RANBP2: variants seen among roughly 807,000 people sequenced by gnomAD.
RANBP2 encodes RAN binding protein 2.
RANBP2 carries 57 observed loss-of-function variants against 303.6 expected under a neutral mutation model. That is an observed-to-expected ratio of 0.19 (90% CI 0.15 to 0.23). The LOEUF is 0.23. Among genes scored for constraint, RANBP2 ranks in the 10% least tolerant of loss-of-function variants. The pLI, the probability that RANBP2 is intolerant of heterozygous loss-of-function variation, is 1.00. For synonymous variants in RANBP2, 1,167 were observed against 1,301.5 expected (o/e 0.90, Z 2.23); for missense variants, 3,138 against 3,780.8 (o/e 0.83, Z 4.46).
the RANBP2 span, among the ~76,000 whole-genome samples, chr2:109,566,514 A>G: frequency 9.2e-5 from 14 of 152,258 alleles, no homozygotes; most frequent in Middle Eastern, 3.4e-3. Context: ...ACAGTATACA[A>G]AATGTATATG....
At chr2:109,171,913 C>T in the RANBP2 span, among the ~76,000 whole-genome samples, 2 of 152,394 alleles carry the variant, frequency 1.3e-5, no homozygotes, top group East Asian at 1.9e-4. Context: ...AAAGGGCATG[C>T]ATGTGCCGAG....
intron 25 of RANBP2, among the ~76,000 whole-genome samples, chr2:108,780,805 G>C (rs1445468077): frequency 2.0e-5 from 3 of 151,884 alleles, no homozygotes; most frequent in Non-Finnish European, 4.4e-5. Context: ...CGCCTCCTGG[G>C]TTCAAGCGAT....
chr2:109,628,660 C>T, the RANBP2 span, among the ~76,000 whole-genome samples: 59,598 of 151,950 alleles, frequency 0.39, 12,832 homozygotes, highest in Middle Eastern at 0.57. Context: ...CTGCTAACCT[C>T]GTCCTCTTTT....
chr2:108,782,323 G>A lies in RANBP2; in HGVS notation c.8956G>A (p.Val2986Ile), dbSNP rs753199133. ...DQVFKVCANH[V>I]ITKTMELKPL... ...GGTTTTTAAAGTGTGTGCAAACCAC[G>A]TTATTACTAAAACAATGGAATTAAA... Residue 2986 changes from valine to isoleucine, a missense_variant, in exon 27 of 29, where the codon GTT becomes ATT. Coordinates refer to ENST00000283195, the MANE Select transcript of RANBP2 (RefSeq NM_006267.5). 16 of 1,614,024 alleles carry A rather than the reference G, an allele frequency of 9.9e-6. No individual in the cohort carries two copies. Among genetic ancestry groups the A allele is most frequent in the Admixed American group, 5.0e-5 (3 of 60,000 alleles).
chr2:109,166,344 G>A, the RANBP2 span, among the ~76,000 whole-genome samples: 2 of 151,972 alleles, frequency 1.3e-5, no homozygotes, highest in African/African-American at 4.8e-5. Context: ...GAGTGTGGTG[G>A]TGTGTGCCTG....
At chr2:109,143,846 A>G in the RANBP2 span, among the ~76,000 whole-genome samples, 29 of 152,134 alleles carry the variant, frequency 1.9e-4, no homozygotes, top group Admixed American at 2.6e-4. Context: ...ATATACACAA[A>G]CAATGGAATA....
chr2:109,330,296 C>G, the RANBP2 span, among the ~76,000 whole-genome samples: 1 of 152,056 alleles, frequency 6.6e-6, no homozygotes, highest in African/African-American at 2.4e-5. Flanking sequence ...GATGTTATTG[C>G]GAAACTAAAG....
the RANBP2 span, among the ~76,000 whole-genome samples, chr2:108,969,358 T>C: frequency 3.3e-5 from 5 of 152,204 alleles, no homozygotes; most frequent in African/African-American, 1.2e-4. Flanking sequence ...TATTGATCTG[T>C]ATGTGCTGGC....
At chr2:109,114,916 G>C in the RANBP2 span, among the ~76,000 whole-genome samples, 1 of 152,184 alleles carries the variant, frequency 6.6e-6, no homozygotes, top group African/African-American at 2.4e-5. Context: ...GGAGCAAGTT[G>C]TTCAGTTTCC....
At chr2:109,062,129 G>A in the RANBP2 span, among the ~76,000 whole-genome samples, 1 of 151,950 alleles carries the variant, frequency 6.6e-6, no homozygotes, top group Admixed American at 6.6e-5. Flanking sequence ...CTCTCCCAGA[G>A]GGACAAGCAA....
the RANBP2 span, among the ~76,000 whole-genome samples, chr2:108,824,543 C>T: frequency 6.6e-6 from 1 of 152,036 alleles, no homozygotes. Flanking sequence ...GATAACAATG[C>T]CTTTTCCTGG....
At chr2:109,510,401 C>T in the RANBP2 span, among the ~76,000 whole-genome samples, 1 of 151,970 alleles carries the variant, frequency 6.6e-6, no homozygotes, top group Admixed American at 6.5e-5. Context: ...GCCAAGGGGG[C>T]GGTGAGGGCA....
the RANBP2 span, among the ~76,000 whole-genome samples, chr2:109,645,020 C>T: frequency 6.6e-6 from 1 of 152,212 alleles, no homozygotes; most frequent in Non-Finnish European, 1.5e-5. Flanking sequence ...CTTTGTTTGC[C>T]TCCCGACTGT....
At chr2:108,875,862 G>GA in the RANBP2 span, among the ~76,000 whole-genome samples, 58 of 151,854 alleles carry the variant, frequency 3.8e-4, no homozygotes, top group African/African-American at 1.1e-3. Flanking sequence ...TATCTCAAAA[G>GA]AAAAAAAAGT....
the RANBP2 span, among the ~76,000 whole-genome samples, chr2:109,302,984 C>G: frequency 6.6e-6 from 1 of 152,140 alleles, no homozygotes; most frequent in African/African-American, 2.4e-5. Context: ...TCAAGCGATT[C>G]TCCTGCCTCA....
chr2:108,923,462 G>C, the RANBP2 span: 1 of 1,613,754 alleles, frequency 6.2e-7, no homozygotes, highest in Non-Finnish European at 8.5e-7. Context: ...AGCTACGGGG[G>C]AGAGACAAGA....
the RANBP2 span, among the ~76,000 whole-genome samples, chr2:109,463,920 A>C: frequency 6.6e-6 from 1 of 152,130 alleles, no homozygotes; most frequent in African/African-American, 2.4e-5. Flanking sequence ...GAACATTTAG[A>C]GTCTTCTCTT....
chr2:109,364,675 C>T, the RANBP2 span, among the ~76,000 whole-genome samples: 1 of 152,212 alleles, frequency 6.6e-6, no homozygotes, highest in East Asian at 1.9e-4. Context: ...GCTTGTGCCC[C>T]TGGCCTGTGA....
At chr2:109,291,472 G>A in the RANBP2 span, among the ~76,000 whole-genome samples, 1 of 152,178 alleles carries the variant, frequency 6.6e-6, no homozygotes, top group African/African-American at 2.4e-5. Context: ...CAGGAGGACC[G>A]GGCTCAGGGC....
Sources: allele counts gnomAD v4.1 joint callset (sites outside exome capture counted in the v4.1 genomes callset), GRCh38; gene constraint gnomAD v4.1.1; transcripts MANE v1.5; gene names NCBI Gene and HGNC (gene_info 2026-07-23, HGNC 2026-07-21).